KCND2: variants seen among roughly 807,000 people sequenced by gnomAD.
KCND2 encodes the protein A-type voltage-gated potassium channel KCND2.
In KCND2, 16 loss-of-function variants were observed where a neutral mutation model predicts 54.4. The ratio of observed to expected loss-of-function variants is 0.29; its 90% CI spans 0.20 to 0.45. KCND2 has a LOEUF of 0.45. KCND2 is among the 20% of genes least tolerant of loss of function. KCND2 has a pLI of 1.00. For missense variants in KCND2, 486 were observed against 824.2 expected (o/e 0.59, Z 5.02); for synonymous variants, 317 against 310.7 (o/e 1.02, Z -0.21).
intron 1 of KCND2, among the ~76,000 whole-genome samples, chr7:120,730,208 T>C (rs1792787384): frequency 6.6e-6 from 1 of 152,156 alleles, no homozygotes; most frequent in African/African-American, 2.4e-5. Context: ...ATCAAATCCC[T>C]TTTTTAAAAG....
chr7:120,381,526 T>A (rs1440054684), intron 1 of KCND2, among the ~76,000 whole-genome samples: 1 of 152,100 alleles, frequency 6.6e-6, no homozygotes, highest in East Asian at 1.9e-4. Context: ...TCTTTTTAAT[T>A]TGATATAATG....
At chr7:120,573,952 A>T (rs1475897953) in intron 1 of KCND2, among the ~76,000 whole-genome samples, 1 of 152,202 alleles carries the variant, frequency 6.6e-6, no homozygotes, top group East Asian at 1.9e-4. Context: ...ATAACTTAAA[A>T]TTAGGTATTA....
intron 1 of KCND2, among the ~76,000 whole-genome samples, chr7:120,720,134 T>C (rs953380774): frequency 6.6e-6 from 1 of 152,164 alleles, no homozygotes; most frequent in Non-Finnish European, 1.5e-5. Flanking sequence ...CTAAAAAGCT[T>C]CGAGTGTACC....
chr7:120,542,045 T>C (rs1351362568), intron 1 of KCND2, among the ~76,000 whole-genome samples: 4 of 152,180 alleles, frequency 2.6e-5, no homozygotes, highest in Non-Finnish European at 5.9e-5. Flanking sequence ...TACTTTGATA[T>C]CAGTAACATG....
chr7:120,554,615 A>C (rs1792140430), intron 1 of KCND2, among the ~76,000 whole-genome samples: 1 of 151,954 alleles, frequency 6.6e-6, no homozygotes, highest in South Asian at 2.1e-4. Context: ...TCACCGTGTT[A>C]GCCAGGATGG....
intron 1 of KCND2, among the ~76,000 whole-genome samples, chr7:120,555,157 GC>G (rs1314907085): frequency 6.6e-6 from 1 of 152,136 alleles, no homozygotes; most frequent in African/African-American, 2.4e-5. Context: ...CCCAGTGTCT[GC>G]TGACCCCTAG....
At chr7:120,723,070 T>G (rs954154636) in intron 1 of KCND2, among the ~76,000 whole-genome samples, 2 of 152,096 alleles carry the variant, frequency 1.3e-5, no homozygotes, top group Admixed American at 1.3e-4. Context: ...GAGTTACCTT[T>G]CAAAGGCCAG....
At position 120,456,214 on chromosome 7, in the gene KCND2, A is replaced by AT. The variant is rs1802199095; in HGVS notation, c.1115+180471dup. ...AATCAAGAATAATATGATACTTTATATTTTAAGATGATTGGTCTAATGAAA... is the reference window on the plus strand; with the variant it reads ...AATCAAGAATAATATGATACTTTATATTTTTAAGATGATTGGTCTAATGAAA... On this transcript the variant is annotated intron_variant, in intron 1 of 5. Coordinates refer to ENST00000331113, the MANE Select transcript of KCND2 (RefSeq NM_012281.3). 3.3e-5 allele frequency among the ~76,000 whole-genome samples: 5 copies of AT among 152,168 alleles called. 1 individual carries two copies. The highest frequency in any genetic ancestry group is 3.3e-4 in the Admixed American group (5 of 15,274).
At chr7:120,554,152 G>A (rs1355126462) in intron 1 of KCND2, among the ~76,000 whole-genome samples, 1 of 152,150 alleles carries the variant, frequency 6.6e-6, no homozygotes, top group Admixed American at 6.5e-5. Context: ...ATATTAAATA[G>A]GAGTTTAGGA....
intron 1 of KCND2, among the ~76,000 whole-genome samples, chr7:120,496,125 T>C (rs565123006): frequency 6.6e-6 from 1 of 152,228 alleles, no homozygotes; most frequent in Non-Finnish European, 1.5e-5. Flanking sequence ...TAAGAGGAGG[T>C]AGAAGCATCC....
intron 1 of KCND2, among the ~76,000 whole-genome samples, chr7:120,453,901 A>G (rs1375124160): frequency 1.3e-5 from 2 of 152,204 alleles, no homozygotes; most frequent in Non-Finnish European, 2.9e-5. Context: ...CCTGGCTAAC[A>G]TGGTGAAACC....
At chr7:120,629,452 C>T (rs149511662) in intron 1 of KCND2, among the ~76,000 whole-genome samples, 25 of 151,910 alleles carry the variant, frequency 1.6e-4, no homozygotes, top group African/African-American at 3.4e-4. Flanking sequence ...TGCCACTGCA[C>T]TCCATCCTGG....
At chr7:120,518,933 A>G (rs1485550553) in intron 1 of KCND2, among the ~76,000 whole-genome samples, 2 of 152,158 alleles carry the variant, frequency 1.3e-5, no homozygotes, top group African/African-American at 4.8e-5. Flanking sequence ...CCTTTCTATG[A>G]AGAAGAGAGG....
intron 1 of KCND2, among the ~76,000 whole-genome samples, chr7:120,523,284 T>C (rs1249025811): frequency 1.3e-5 from 2 of 151,994 alleles, no homozygotes; most frequent in Non-Finnish European, 2.9e-5. Flanking sequence ...AATAATTTTA[T>C]GCAAAAATAC....
At chr7:120,601,638 A>ATGT (rs1227724329) in intron 1 of KCND2, among the ~76,000 whole-genome samples, 3 of 152,168 alleles carry the variant, frequency 2.0e-5, no homozygotes, top group Non-Finnish European at 4.4e-5. Flanking sequence ...GTCTAACTCT[A>ATGT]TGTTATGTTG....
intron 1 of KCND2, among the ~76,000 whole-genome samples, chr7:120,369,426 G>A (rs1302405365): frequency 6.6e-6 from 1 of 151,924 alleles, no homozygotes; most frequent in African/African-American, 2.4e-5. Flanking sequence ...TGCTTCACTG[G>A]TTGCAATTAT....
chr7:120,471,527 C>CT (rs1288940393), intron 1 of KCND2, among the ~76,000 whole-genome samples: 1 of 151,962 alleles, frequency 6.6e-6, no homozygotes, highest in African/African-American at 2.4e-5. Context: ...AGGTATATAC[C>CT]TTTTTTGACT....
At chr7:120,469,771 T>A (rs1349391677) in intron 1 of KCND2, among the ~76,000 whole-genome samples, 1 of 152,102 alleles carries the variant, frequency 6.6e-6, no homozygotes, top group Non-Finnish European at 1.5e-5. Flanking sequence ...CTGTTTGAAA[T>A]CATTATAAAT....
At chr7:120,492,638 A>T (rs1405391566) in intron 1 of KCND2, among the ~76,000 whole-genome samples, 1 of 152,068 alleles carries the variant, frequency 6.6e-6, no homozygotes, top group African/African-American at 2.4e-5. Flanking sequence ...AGTTTCTTTT[A>T]TAAGGACACT....
Sources: allele counts gnomAD v4.1 joint callset (sites outside exome capture counted in the v4.1 genomes callset), GRCh38; gene constraint gnomAD v4.1.1; transcripts MANE v1.5; gene names NCBI Gene and HGNC (gene_info 2026-07-23, HGNC 2026-07-21).